The following DENND1A variants were observed in gnomAD, a reference collection of about 807,000 sequenced individuals.
DENND1A encodes DENN domain-containing protein 1A.
Under a neutral mutation model 113.7 loss-of-function variants are expected in DENND1A, and 51 were observed. The ratio of observed to expected loss-of-function variants is 0.45; its 90% CI spans 0.36 to 0.57. DENND1A has a LOEUF of 0.57. Among genes scored for constraint, DENND1A ranks in the 20% least tolerant of loss-of-function variants. The pLI, the probability that DENND1A is intolerant of heterozygous loss-of-function variation, is 0.00. For missense variants in DENND1A, 1,258 were observed against 1,395.9 expected (o/e 0.90, Z 1.57); for synonymous variants, 565 against 570.8 (o/e 0.99, Z 0.14).
intron 9 of DENND1A, among the ~76,000 whole-genome samples, chr9:123,632,444 A>C (rs990089399): frequency 6.6e-6 from 1 of 152,330 alleles, no homozygotes; most frequent in South Asian, 2.1e-4. Context: ...TTAGAGATGA[A>C]AAGTCCTTGC....
chr9:123,534,834 T>C (rs1483533529), intron 13 of DENND1A, among the ~76,000 whole-genome samples: 1 of 152,250 alleles, frequency 6.6e-6, no homozygotes, highest in Admixed American at 6.5e-5. Flanking sequence ...ATACTTTACA[T>C]GATCTTGGAC....
chr9:123,451,902 G>A (rs575618450), intron 17 of DENND1A, among the ~76,000 whole-genome samples: 79 of 152,266 alleles, frequency 5.2e-4, no homozygotes, highest in Non-Finnish European at 5.6e-4. Flanking sequence ...GTATACTTAA[G>A]AGTCTCATCG....
At chr9:123,468,322 C>T (rs2049120730) in intron 13 of DENND1A, among the ~76,000 whole-genome samples, 1 of 152,162 alleles carries the variant, frequency 6.6e-6, no homozygotes, top group African/African-American at 2.4e-5. Flanking sequence ...TGGCTATTCA[C>T]CAGAATTACC....
rs537713297 is a variant in DENND1A at position 123,764,937 on chromosome 9, A to G, written c.182+4577T>C. Among the ~76,000 whole-genome samples, 1 of 152,246 alleles carries G rather than the reference A, an allele frequency of 6.6e-6. No individual in the cohort carries two copies. Among genetic ancestry groups the G allele is most frequent in the African/African-American group, 2.4e-5 (1 of 41,554 alleles). On this transcript the variant is annotated intron_variant, in intron 4 of 23. Transcript: ENST00000394215. This position sits in a 1 kb window ranked among gnomAD's most constrained non-coding sequence, Gnocchi z 4.1. Reference sequence around the variant, plus strand: ...GTCATCAACACTGTAGAAAATAATCATGGGGCACAGCTGAACCTATATTGT... The same window carrying G: ...GTCATCAACACTGTAGAAAATAATCGTGGGGCACAGCTGAACCTATATTGT...
intron 18 of DENND1A, among the ~76,000 whole-genome samples, chr9:123,447,790 C>T (rs377339323): frequency 1.8e-5 from 2 of 113,810 alleles, no homozygotes; most frequent in Non-Finnish European, 3.9e-5. Context: ...GGGAGAAGGA[C>T]AAAAAAAAAA....
chr9:123,683,918 G>A (rs1439664956), intron 5 of DENND1A, among the ~76,000 whole-genome samples: 1 of 152,144 alleles, frequency 6.6e-6, no homozygotes, highest in African/African-American at 2.4e-5. Flanking sequence ...GTCGGGACGT[G>A]GGGATCCAAA....
At chr9:123,678,469 T>C (rs1030398865) in intron 5 of DENND1A, among the ~76,000 whole-genome samples, 1 of 152,212 alleles carries the variant, frequency 6.6e-6, no homozygotes, top group Non-Finnish European at 1.5e-5. Context: ...GGCCTGGTCA[T>C]GTCTGCCCTG....
chr9:123,770,104 TTTAC>T (rs1254167035), intron 3 of DENND1A, among the ~76,000 whole-genome samples: 1 of 152,208 alleles, frequency 6.6e-6, no homozygotes, highest in Non-Finnish European at 1.5e-5. Flanking sequence ...TAAAACTTCA[TTTAC>T]TTACTTTACA....
intron 1 of DENND1A, among the ~76,000 whole-genome samples, chr9:123,923,758 G>C (rs1856660238): frequency 6.6e-6 from 1 of 151,958 alleles, no homozygotes; most frequent in African/African-American, 2.4e-5. Flanking sequence ...CCTCTTCCTA[G>C]AAACCTATCT....
chr9:123,656,822 C>T (rs2062972528), intron 8 of DENND1A, among the ~76,000 whole-genome samples: 1 of 152,184 alleles, frequency 6.6e-6, no homozygotes, highest in South Asian at 2.1e-4. Flanking sequence ...AAAGGAAAAC[C>T]TTGCTTCAAG....
At chr9:123,427,155 A>G (rs1351777178) in intron 19 of DENND1A, among the ~76,000 whole-genome samples, 1 of 152,260 alleles carries the variant, frequency 6.6e-6, no homozygotes, top group African/African-American at 2.4e-5. Flanking sequence ...GAGATGCCCT[A>G]TGGCATGATC....
chr9:123,390,766 C>T (rs1364709965), intron 21 of DENND1A, among the ~76,000 whole-genome samples: 1 of 152,226 alleles, frequency 6.6e-6, no homozygotes, highest in East Asian at 1.9e-4. Context: ...CTCCTGTGAG[C>T]GGGGCTCGGA....
At chr9:123,692,096 CT>C (rs1294877809) in intron 5 of DENND1A, among the ~76,000 whole-genome samples, 2 of 152,170 alleles carry the variant, frequency 1.3e-5, no homozygotes, top group Non-Finnish European at 2.9e-5. Flanking sequence ...GTTCCTTCGT[CT>C]CTCCAAGGCT....
At position 123,458,423 on chromosome 9, in the gene DENND1A, T is replaced by C. The variant is rs1000902060; in HGVS notation, c.994-526A>G. ...CTAGCTAATAGTGAAGTAGCTATTATCAAGAAATTCATTTTCTTTTATGGA... is the reference window on the plus strand; with the variant it reads ...CTAGCTAATAGTGAAGTAGCTATTACCAAGAAATTCATTTTCTTTTATGGA... On this transcript the variant is annotated intron_variant, in intron 13 of 23. Coordinates refer to ENST00000394215, the MANE Select transcript of DENND1A (RefSeq NM_001352964.2). Among the ~76,000 whole-genome samples the C allele has an allele frequency of 5.9e-5, 9 of 152,192 alleles. No homozygotes were observed. The South Asian group carries it at 1.4e-3, about 25-fold the overall frequency.
intron 12 of DENND1A, among the ~76,000 whole-genome samples, chr9:123,577,819 C>G (rs963179912): frequency 3.9e-5 from 6 of 152,100 alleles, no homozygotes; most frequent in African/African-American, 1.4e-4. Flanking sequence ...CCCCTAAAGC[C>G]CTCTCTTGTG....
chr9:123,769,373 G>A (rs1829354020), intron 4 of DENND1A, 141 bp downstream of exon 4: 1 of 690,300 alleles, frequency 1.4e-6, no homozygotes, highest in Non-Finnish European at 2.2e-6. Context: ...CAGGAAGGGA[G>A]AATATTGCAA....
intron 2 of DENND1A, among the ~76,000 whole-genome samples, chr9:123,830,873 G>GAAAAAAAAAAAAAAAAAAAAAAA (rs71390447): frequency 5.1e-5 from 2 of 39,310 alleles, no homozygotes; most frequent in Non-Finnish European, 4.5e-5. Context: ...TCTCAAAAAT[G>GAAAAAAAAAAAAAAAAAAAAAAA]AAAAAAAAAA....
At chr9:123,633,997 A>C (rs1172086545) in intron 9 of DENND1A, among the ~76,000 whole-genome samples, 1 of 152,214 alleles carries the variant, frequency 6.6e-6, no homozygotes, top group Non-Finnish European at 1.5e-5. Context: ...ACATGAATTA[A>C]TTTGTGATTC....
intron 5 of DENND1A, among the ~76,000 whole-genome samples, chr9:123,740,005 A>G (rs540219864): frequency 1.3e-5 from 2 of 152,248 alleles, no homozygotes; most frequent in African/African-American, 2.4e-5. Context: ...CACAGAGGTT[A>G]TAAGACCACA....
Sources: allele counts gnomAD v4.1 joint callset (sites outside exome capture counted in the v4.1 genomes callset), GRCh38; gene constraint gnomAD v4.1.1; non-coding constraint Gnocchi (gnomAD v3.1); transcripts MANE v1.5; gene names NCBI Gene and HGNC (gene_info 2026-07-23, HGNC 2026-07-21).